SPATS2: variants seen among roughly 807,000 people sequenced by gnomAD.
SPATS2 encodes the protein spermatogenesis-associated serine-rich protein 2.
SPATS2 carries 38 observed loss-of-function variants against 63.7 expected under a neutral mutation model. The observed-to-expected ratio is 0.60, with a 90% confidence interval of 0.46 to 0.78. The LOEUF (loss-of-function observed/expected upper bound fraction) is 0.78, where lower values mean the gene tolerates loss of function less well. Among genes scored for constraint, SPATS2 ranks in the 30% least tolerant of loss-of-function variants. The pLI, the probability that SPATS2 is intolerant of heterozygous loss-of-function variation, is 0.00. For synonymous variants in SPATS2, 207 were observed against 232.9 expected (o/e 0.89, Z 1.01); for missense variants, 588 against 666.2 (o/e 0.88, Z 1.29).
intron 2 of SPATS2, among the ~76,000 whole-genome samples, chr12:49,376,593 T>C (rs912935473): frequency 1.2e-4 from 18 of 151,980 alleles, no homozygotes; most frequent in African/African-American, 4.4e-4. Flanking sequence ...GACAGGGTCT[T>C]GCTATGTTTC....
At chr12:49,381,008 C>T (rs78291649) in intron 2 of SPATS2, among the ~76,000 whole-genome samples, 58 of 151,896 alleles carry the variant, frequency 3.8e-4, no homozygotes, top group Non-Finnish European at 6.2e-4. Flanking sequence ...CTACCAGCAA[C>T]GTATGAGGAG....
At chr12:49,451,884 A>C (rs1453100805) in intron 2 of SPATS2, among the ~76,000 whole-genome samples, 1 of 152,230 alleles carries the variant, frequency 6.6e-6, no homozygotes, top group African/African-American at 2.4e-5. Context: ...CTAGATATCA[A>C]ATTCTTGGTT....
At chr12:49,477,575 A>G (rs767535701) in intron 3 of SPATS2, among the ~76,000 whole-genome samples, 12 of 152,160 alleles carry the variant, frequency 7.9e-5, no homozygotes, top group African/African-American at 2.2e-4. Flanking sequence ...TATGCTTACA[A>G]CCTCCGGAGA....
rs756627647 is a variant in SPATS2 at position 49,522,756 on chromosome 12, T to C, written c.1014T>C (p.Phe338=). 27 of 1,613,502 alleles carry C rather than the reference T, an allele frequency of 1.7e-5. No homozygotes were observed. In the Admixed American group the frequency reaches 2.3e-4, roughly 14 times the overall value. The part of the protein sequence containing the change: ...LVELRADIKH[F]VSERKYDEDL... ...TTTCTTTGTCCTTTCTCCAGCACTT[T>C]GTTAGTGAACGTAAATATGATGAGG... The change falls in exon 12 of 14, where the codon TTT becomes TTC. Residue 338 remains phenylalanine, a synonymous_variant. Coordinates refer to ENST00000552918, the MANE Select transcript of SPATS2 (RefSeq NM_023071.4).
rs567904793 is a variant in SPATS2, at chr12:49,489,070, A to G, written c.106-395A>G. Among the ~76,000 whole-genome samples, 3 of 152,330 alleles carry G rather than the reference A, an allele frequency of 2.0e-5. No individual in the cohort carries two copies. The South Asian group carries it at 6.2e-4, about 32-fold the overall frequency. ...ATGATACAAGGTAAAATATGTTTCA[A>G]AAAATCTTACATAAAAATCTAAGTT... On this transcript the variant is annotated intron_variant, in intron 4 of 13. Coordinates refer to ENST00000552918, the MANE Select transcript of SPATS2 (RefSeq NM_023071.4).
intron 2 of SPATS2, among the ~76,000 whole-genome samples, chr12:49,421,715 G>T (rs1565713499): frequency 1.3e-5 from 2 of 152,108 alleles, no homozygotes; most frequent in East Asian, 3.8e-4. Context: ...TTTAAATAAA[G>T]TCAGTTTTGA....
intron 12 of SPATS2, among the ~76,000 whole-genome samples, chr12:49,524,091 A>G (rs1037771554): frequency 7.2e-5 from 11 of 152,128 alleles, no homozygotes; most frequent in Admixed American, 2.0e-4. Flanking sequence ...AAATATTAAT[A>G]TTTTTTTCAG....
At chr12:49,437,152 C>T (rs1355585184) in intron 2 of SPATS2, among the ~76,000 whole-genome samples, 73 of 151,290 alleles carry the variant, frequency 4.8e-4, no homozygotes, top group Non-Finnish European at 7.4e-4. Context: ...ACTTCTCAGA[C>T]GGGGCGGTTG....
At chr12:49,521,113 A>G (rs1172199594) in intron 11 of SPATS2, among the ~76,000 whole-genome samples, 1 of 152,204 alleles carries the variant, frequency 6.6e-6, no homozygotes, top group Non-Finnish European at 1.5e-5. Context: ...TTGGCATTCT[A>G]AATAATTGCT....
chr12:49,386,445 C>A (rs984817144), intron 2 of SPATS2, among the ~76,000 whole-genome samples: 1 of 152,120 alleles, frequency 6.6e-6, no homozygotes, highest in African/African-American at 2.4e-5. Flanking sequence ...GGATTACAGG[C>A]GTGAGCTACT....
At chr12:49,425,056 G>A (rs965793143) in intron 2 of SPATS2, among the ~76,000 whole-genome samples, 1 of 152,132 alleles carries the variant, frequency 6.6e-6, no homozygotes, top group Non-Finnish European at 1.5e-5. Context: ...TGAGTTTGCT[G>A]ATTAGAATTC....
chr12:49,497,456 G>A (rs1233157792), intron 8 of SPATS2, among the ~76,000 whole-genome samples: 9 of 148,850 alleles, frequency 6.0e-5, no homozygotes, highest in Admixed American at 2.0e-4. Flanking sequence ...GTGCAGTGGC[G>A]CAGTCTTGGC....
At chr12:49,379,269 C>G (rs1015425448) in intron 2 of SPATS2, among the ~76,000 whole-genome samples, 1 of 150,552 alleles carries the variant, frequency 6.6e-6, no homozygotes, top group Non-Finnish European at 1.5e-5. Flanking sequence ...ATTAACTGGC[C>G]GGGCATAGTG....
At chr12:49,518,274 C>T (rs1025655258) in intron 10 of SPATS2, among the ~76,000 whole-genome samples, 1 of 152,226 alleles carries the variant, frequency 6.6e-6, no homozygotes, top group Non-Finnish European at 1.5e-5. Flanking sequence ...GGTTTATCTG[C>T]TTCCTGGGAG....
At chr12:49,503,658 AAAG>A (rs1254806706) in intron 9 of SPATS2, among the ~76,000 whole-genome samples, 2 of 152,048 alleles carry the variant, frequency 1.3e-5, no homozygotes, top group South Asian at 2.1e-4. Flanking sequence ...CAAAAAAAAA[AAAG>A]AAAAAAGAAA....
intron 2 of SPATS2, among the ~76,000 whole-genome samples, chr12:49,437,556 C>T (rs1267468380): frequency 2.0e-5 from 3 of 152,146 alleles, no homozygotes; most frequent in African/African-American, 7.2e-5. Context: ...ACTGAGTGAA[C>T]GCGACTCCGT....
At chr12:49,420,360 G>A (rs567763676) in intron 2 of SPATS2, among the ~76,000 whole-genome samples, 1 of 152,156 alleles carries the variant, frequency 6.6e-6, no homozygotes, top group Non-Finnish European at 1.5e-5. Flanking sequence ...TTGGGAGGCC[G>A]CGGCCAGCAG....
chr12:49,517,851 A>G (rs1946876761), intron 10 of SPATS2, among the ~76,000 whole-genome samples: 1 of 152,166 alleles, frequency 6.6e-6, no homozygotes, highest in South Asian at 2.1e-4. Flanking sequence ...TTATGTTGGT[A>G]CCCAACAACA....
chr12:49,379,538 G>A (rs1226787991), intron 2 of SPATS2, among the ~76,000 whole-genome samples: 5 of 119,482 alleles, frequency 4.2e-5, no homozygotes, highest in East Asian at 2.5e-4. Flanking sequence ...GTGACAGAGC[G>A]AGAATCCGTC....
Sources: allele counts gnomAD v4.1 joint callset (sites outside exome capture counted in the v4.1 genomes callset), GRCh38; gene constraint gnomAD v4.1.1; transcripts MANE v1.5; gene names NCBI Gene and HGNC (gene_info 2026-07-23, HGNC 2026-07-21).